PRR16: variants seen among roughly 807,000 people sequenced by gnomAD.
PRR16 encodes protein Largen.
A neutral mutation model predicts 18.2 loss-of-function variants in PRR16; 6 were observed. The observed-to-expected ratio is 0.33, with a 90% CI of 0.18 to 0.65. PRR16 has a LOEUF of 0.65. PRR16 is among the 30% of genes least tolerant of loss of function. The probability of loss-of-function intolerance (pLI) is 0.74; values close to 1 mark genes in which losing one functional copy is unlikely to be tolerated. For synonymous variants in PRR16, 151 were observed against 147.8 expected (o/e 1.02, Z -0.16); for missense variants, 412 against 376.6 (o/e 1.09, Z -0.78).
At chr5:120,630,487 C>T (rs574194357) in intron 1 of PRR16, among the ~76,000 whole-genome samples, 2 of 152,268 alleles carry the variant, frequency 1.3e-5, no homozygotes, top group South Asian at 4.1e-4. Flanking sequence ...CTACAGTCCA[C>T]TGCTGGAGAT....
chr5:120,690,784 A>T (rs2150158785), downstream of PRR16, among the ~76,000 whole-genome samples: 1 of 152,310 alleles, frequency 6.6e-6, no homozygotes, highest in Non-Finnish European at 1.5e-5. Flanking sequence ...AACTGCAGTT[A>T]GCCTTATCTT....
intron 1 of PRR16, among the ~76,000 whole-genome samples, chr5:120,540,545 G>A (rs1044883107): frequency 6.6e-6 from 1 of 152,080 alleles, no homozygotes; most frequent in Non-Finnish European, 1.5e-5. Flanking sequence ...TTGAAAATAT[G>A]ATGTCCCTTC....
At position 120,498,733 on chromosome 5, in the gene PRR16, T is replaced by G. The variant is rs576187203; in HGVS notation, c.159+34088T>G. Among the ~76,000 whole-genome samples, 10 of 152,132 alleles carry G rather than the reference T, an allele frequency of 6.6e-5. No homozygotes were observed. In the South Asian group the frequency reaches 2.1e-3, roughly 31 times the overall value. ...CCAGTTCTCTTATTTTTTATTTGTT[T>G]GTTTTTAATCCAAGAACATCTTGAT... On this transcript the variant is annotated intron_variant, in intron 1 of 1. Coordinates refer to ENST00000407149, the MANE Select transcript of PRR16 (RefSeq NM_001300783.2).
chr5:120,755,506 G>A, the PRR16 span, among the ~76,000 whole-genome samples: 3 of 152,032 alleles, frequency 2.0e-5, no homozygotes, highest in African/African-American at 7.2e-5. Flanking sequence ...GCCTGTGTTA[G>A]TTCACTTAGG....
At chr5:120,500,481 T>A (rs1750411410) in intron 1 of PRR16, among the ~76,000 whole-genome samples, 1 of 152,240 alleles carries the variant, frequency 6.6e-6, no homozygotes, top group South Asian at 2.1e-4. Context: ...GGAAGCAGAA[T>A]CGTTAATGCC....
chr5:120,491,455 TTTCCTTTCCTTTC>T (rs1750040678), intron 1 of PRR16, among the ~76,000 whole-genome samples: 1 of 130,260 alleles, frequency 7.7e-6, no homozygotes, highest in East Asian at 2.0e-4. Flanking sequence ...TTTCCTTTCC[TTTCCTTTCCTTTC>T]CTTTCCTTTC....
At chr5:120,615,052 G>GAAA (rs3047989) in intron 1 of PRR16, among the ~76,000 whole-genome samples, 134 of 151,082 alleles carry the variant, frequency 8.9e-4, no homozygotes, top group African/African-American at 1.3e-3. Flanking sequence ...CTGTATAACG[G>GAAA]AAAAAAAAAT....
intron 1 of PRR16, among the ~76,000 whole-genome samples, chr5:120,523,416 C>G (rs1187736862): frequency 6.6e-6 from 1 of 152,076 alleles, no homozygotes; most frequent in Non-Finnish European, 1.5e-5. Flanking sequence ...CAAGTACTGT[C>G]TTGAGTTGCA....
chr5:120,668,105 C>T (rs1181131633), intron 1 of PRR16, among the ~76,000 whole-genome samples: 2 of 151,984 alleles, frequency 1.3e-5, no homozygotes, highest in Non-Finnish European at 2.9e-5. Flanking sequence ...CTTTGTAGGT[C>T]ACTCAGGAGT....
the PRR16 span, among the ~76,000 whole-genome samples, chr5:120,736,677 G>A: frequency 6.7e-6 from 1 of 150,120 alleles, no homozygotes; most frequent in Non-Finnish European, 1.5e-5. Flanking sequence ...ATCACTTTGA[G>A]TAGTATGTAT....
the PRR16 span, among the ~76,000 whole-genome samples, chr5:120,787,691 C>G: frequency 6.6e-6 from 1 of 152,104 alleles, no homozygotes; most frequent in East Asian, 1.9e-4. Flanking sequence ...ATTAAGAAAG[C>G]ATCTGCAACT....
At chr5:120,709,766 T>C in the PRR16 span, among the ~76,000 whole-genome samples, 116 of 152,322 alleles carry the variant, frequency 7.6e-4, 1 homozygote, top group African/African-American at 2.7e-3. Flanking sequence ...TTTATTTCAC[T>C]TGACATAATA....
intron 1 of PRR16, among the ~76,000 whole-genome samples, chr5:120,675,741 A>G (rs1288281200): frequency 1.3e-5 from 2 of 152,196 alleles, no homozygotes; most frequent in East Asian, 1.9e-4. Flanking sequence ...ATATTACCAG[A>G]TGAATAGTAC....
chr5:120,587,749 C>T (rs548985080), intron 1 of PRR16, among the ~76,000 whole-genome samples: 1 of 152,266 alleles, frequency 6.6e-6, no homozygotes, highest in East Asian at 1.9e-4. Flanking sequence ...TGTTTTCATG[C>T]CTGTTATCAC....
At chr5:120,687,647 T>G (rs985371544), downstream of PRR16, among the ~76,000 whole-genome samples, 1 of 152,188 alleles carries the variant, frequency 6.6e-6, no homozygotes, top group Non-Finnish European at 1.5e-5. Flanking sequence ...CCTCCCCAAG[T>G]GGACCCACAT....
At chr5:120,489,176 T>G (rs1749928462) in intron 1 of PRR16, among the ~76,000 whole-genome samples, 1 of 152,216 alleles carries the variant, frequency 6.6e-6, no homozygotes, top group Non-Finnish European at 1.5e-5. Flanking sequence ...GTCCACTTGG[T>G]GCAGAGCTGA....
chr5:120,586,483 C>A (rs751777353), intron 1 of PRR16, among the ~76,000 whole-genome samples: 1 of 151,370 alleles, frequency 6.6e-6, no homozygotes, highest in African/African-American at 2.4e-5. Flanking sequence ...TTTGTCAGCA[C>A]TTTTTTTTTC....
intron 1 of PRR16, among the ~76,000 whole-genome samples, chr5:120,684,728 G>A (rs1580880210): frequency 6.6e-6 from 1 of 152,174 alleles, no homozygotes; most frequent in Non-Finnish European, 1.5e-5. Context: ...GCCAATGACT[G>A]AACAGGGCAG....
the PRR16 span, among the ~76,000 whole-genome samples, chr5:120,728,438 T>C: frequency 1.3e-5 from 2 of 152,086 alleles, no homozygotes; most frequent in East Asian, 3.9e-4. Flanking sequence ...CTTAAAGTTA[T>C]TAAATTTTGA....
Sources: allele counts gnomAD v4.1 joint callset (sites outside exome capture counted in the v4.1 genomes callset), GRCh38; gene constraint gnomAD v4.1.1; transcripts MANE v1.5; gene names NCBI Gene and HGNC (gene_info 2026-07-23, HGNC 2026-07-21).